The following TIMM23 variants were observed in gnomAD, a reference collection of about 807,000 sequenced individuals.
The protein encoded by TIMM23 is translocase of inner mitochondrial membrane 23.
Under a neutral mutation model 30.7 loss-of-function variants are expected in TIMM23, and 19 were observed. The observed-to-expected ratio is 0.62, with a 90% CI of 0.43 to 0.91. The LOEUF (loss-of-function observed/expected upper bound fraction) is 0.91, where lower values mean the gene tolerates loss of function less well. TIMM23 is among the 40% of genes least tolerant of loss of function. The probability of loss-of-function intolerance (pLI) is 0.00; values close to 1 mark genes in which losing one functional copy is unlikely to be tolerated. For synonymous variants in TIMM23, 78 were observed against 98.5 expected (o/e 0.79, Z 1.23); for missense variants, 202 against 269.2 (o/e 0.75, Z 1.75).
chr10:45,991,263 G>A (rs1338227720), intron 6 of TIMM23, among the ~76,000 whole-genome samples: 4 of 152,308 alleles, frequency 2.6e-5, no homozygotes, highest in African/African-American at 9.6e-5. Context: ...GAAAGCTAAA[G>A]TAAGAAGCTT....
chr10:45,984,381 AG>A (rs1564906127), intron 4 of TIMM23, among the ~76,000 whole-genome samples: 2 of 152,214 alleles, frequency 1.3e-5, no homozygotes, highest in Non-Finnish European at 2.9e-5. Flanking sequence ...TCTTAAAACA[AG>A]TTATTAAAAT....
intron 6 of TIMM23, among the ~76,000 whole-genome samples, chr10:45,991,751 CAAAAA>C (rs1175540265): frequency 7.5e-6 from 1 of 133,938 alleles, no homozygotes; most frequent in Non-Finnish European, 1.6e-5. Flanking sequence ...AACTCTGTCT[CAAAAA>C]AAAAAAGAAA....
Position 46,003,614 on chromosome 10 carries a change from G to T in TIMM23, c.*296G>T. 1 of 260,080 alleles carries T rather than the reference G, an allele frequency of 3.8e-6. No homozygotes were observed. Among genetic ancestry groups the T allele is most frequent in the Non-Finnish European group, 7.5e-6 (1 of 133,368 alleles). The allele number at this position is 260,080 out of a possible 1,614,324, so 16.1% of individuals were successfully genotyped here. On this transcript the variant is annotated 3_prime_UTR_variant, in exon 7 of 7. Coordinates refer to ENST00000580018, the MANE Select transcript of TIMM23 (RefSeq NM_006327.4). The stretch of plus-strand genomic sequence containing the variant: ...TGAACTAGAAAACCACTTACTCCCA[G>T]AATTCAGGTCGTGCTTGTTAGTACT...
intron 4 of TIMM23, chr10:45,984,730 G>A (rs1260388213): frequency 4.6e-5 from 17 of 372,892 alleles, no homozygotes; most frequent in Non-Finnish European, 6.4e-5. Context: ...TCTGGCACTG[G>A]TGCAAGGCAG....
chr10:45,998,365 G>A (rs2132282826), intron 6 of TIMM23: 1 of 985,174 alleles, frequency 1.0e-6, no homozygotes, highest in East Asian at 1.1e-4. Flanking sequence ...CGCTTTGGAA[G>A]AACTACATAA....
In TIMM23 at chr10:45,978,242, A is replaced by T. The variant is rs1311668717; in HGVS notation, c.165+2730A>T. On this transcript the variant is annotated intron_variant, in intron 2 of 6. Coordinates refer to ENST00000580018, the MANE Select transcript of TIMM23 (RefSeq NM_006327.4). ...GTGGTGTGCACCTGTAGTCCCAGCT[A>T]CTAGGGAGGCTGAGGTGGGAGGATC... 3.3e-3 allele frequency among the ~76,000 whole-genome samples: 494 copies of T among 151,816 alleles called. 2 individuals carry two copies. The highest frequency in any genetic ancestry group is 0.011 in the African/African-American group (467 of 41,400).
At chr10:46,000,198 A>G (rs1554917434) in intron 6 of TIMM23, among the ~76,000 whole-genome samples, 1 of 152,266 alleles carries the variant, frequency 6.6e-6, no homozygotes, top group Admixed American at 6.5e-5. Context: ...ACAGCGGCAT[A>G]GGAAATCACA....
chr10:46,003,217 A>G lies in TIMM23; in HGVS notation c.529A>G (p.Ile177Val). 1.9e-6 allele frequency: 3 copies of G among 1,614,010 alleles called. No homozygotes were observed. The highest frequency in any genetic ancestry group is 2.5e-6 in the Non-Finnish European group (3 of 1,179,928). ...CTGTTTCCCAGGTGGTCTTCGAGGG[A>G]TAGCACGAGGTGGTCTGACAGGACT... ...LYKCTGGLRGIARGGLTGLTL... is the reference protein window; with the variant it reads ...LYKCTGGLRGVARGGLTGLTL... The change falls in exon 7 of 7, where the codon ATA becomes GTA. Residue 177 changes from isoleucine (I) to valine (V), a missense_variant. Transcript: ENST00000580018.
At chr10:45,981,825 TTG>T (rs1245295258) in intron 2 of TIMM23, among the ~76,000 whole-genome samples, 4 of 152,170 alleles carry the variant, frequency 2.6e-5, no homozygotes, top group African/African-American at 9.7e-5. Flanking sequence ...TGATAAAATT[TTG>T]TTTGTTTTTT....
At chr10:45,985,537 G>A (rs1837967384) in intron 5 of TIMM23, 96 bp downstream of exon 5, 2 of 1,413,620 alleles carry the variant, frequency 1.4e-6, no homozygotes, top group African/African-American at 2.8e-5. Flanking sequence ...CCTAGGATAT[G>A]AGACAATTAT....
intron 1 of TIMM23, among the ~76,000 whole-genome samples, chr10:45,973,250 T>C (rs1837553268): frequency 6.6e-6 from 1 of 152,178 alleles, no homozygotes; most frequent in Non-Finnish European, 1.5e-5. Context: ...TTAAAGGTGA[T>C]ATATAGACAT....
intron 4 of TIMM23, among the ~76,000 whole-genome samples, chr10:45,983,544 C>A (rs1211867884): frequency 6.6e-6 from 1 of 152,044 alleles, no homozygotes; most frequent in African/African-American, 2.4e-5. Flanking sequence ...ATGGCCAGTC[C>A]CTCTTGATAT....
At position 45,985,428 on chromosome 10, in the gene TIMM23, T is replaced by C; in HGVS notation, c.390T>C (p.Thr130=). The C allele has an allele frequency of 1.9e-6, 3 of 1,613,520 alleles. No homozygotes were observed. The highest frequency in any genetic ancestry group is 2.5e-6 in the Non-Finnish European group (3 of 1,179,546). The change falls in exon 5 of 7, where the codon ACT becomes ACC. Residue 130 remains threonine (T), a synonymous_variant. Transcript: ENST00000580018. ...VTRQGALWAN[T]LGSLALLYSA... ...GGCAAGGGGCACTTTGGGCTAATAC[T>C]CTAGGTTCTCTGGGTAAGTAGAGAT...
intron 1 of TIMM23, among the ~76,000 whole-genome samples, chr10:45,974,288 CAG>C (rs1837599388): frequency 1.3e-5 from 2 of 151,918 alleles, no homozygotes; most frequent in Non-Finnish European, 2.9e-5. Context: ...GGGAATAAAG[CAG>C]AGTCTTGAGA....
intron 1 of TIMM23, 73 bp downstream of exon 1, chr10:45,972,803 T>G: frequency 3.2e-6 from 5 of 1,575,790 alleles, no homozygotes; most frequent in Non-Finnish European, 3.4e-6. Context: ...CGTCCCATGT[T>G]TTATGTTGTT....
At chr10:45,973,688 T>G (rs1837573054) in intron 1 of TIMM23, among the ~76,000 whole-genome samples, 1 of 152,126 alleles carries the variant, frequency 6.6e-6, no homozygotes, top group East Asian at 1.9e-4. Flanking sequence ...CTGTCACCCA[T>G]ATTGGGGTGC....
intron 6 of TIMM23, among the ~76,000 whole-genome samples, chr10:46,001,082 C>CTAGT (rs1216795741): frequency 2.4e-4 from 37 of 152,312 alleles, no homozygotes; most frequent in African/African-American, 7.2e-4. Context: ...GGAATTTGGT[C>CTAGT]TAGTTCACTT....
intron 6 of TIMM23, chr10:45,998,199 C>A: frequency 5.2e-6 from 1 of 193,772 alleles, no homozygotes; most frequent in Non-Finnish European, 9.4e-6. Context: ...TACTATCTGG[C>A]CCTTTTAAAA....
intron 2 of TIMM23, among the ~76,000 whole-genome samples, chr10:45,979,275 A>G (rs587626330): frequency 2.6e-5 from 4 of 152,342 alleles, no homozygotes; most frequent in East Asian, 3.9e-4. Flanking sequence ...TGTGTGATAC[A>G]TGAGATACAG....
Sources: allele counts gnomAD v4.1 joint callset (sites outside exome capture counted in the v4.1 genomes callset), GRCh38; gene constraint gnomAD v4.1.1; transcripts MANE v1.5; gene names NCBI Gene and HGNC (gene_info 2026-07-23, HGNC 2026-07-21).